Variants in MKLN1 observed in about 807,000 individuals in gnomAD.
MKLN1 encodes muskelin 1.
A neutral mutation model predicts 99.0 loss-of-function variants in MKLN1; 18 were observed. The observed-to-expected ratio is 0.18, with a 90% CI of 0.13 to 0.27. The LOEUF (loss-of-function observed/expected upper bound fraction) is 0.27. MKLN1 is among the 10% of genes least tolerant of loss of function. The pLI, the probability that MKLN1 is intolerant of heterozygous loss-of-function variation, is 1.00. For missense variants in MKLN1, 621 were observed against 875.9 expected (o/e 0.71, Z 3.67); for synonymous variants, 288 against 293.2 (o/e 0.98, Z 0.18).
At chr7:131,319,638 A>G (rs1303636295) in intron 3 of MKLN1, among the ~76,000 whole-genome samples, 2 of 152,216 alleles carry the variant, frequency 1.3e-5, no homozygotes, top group Non-Finnish European at 2.9e-5. Context: ...TCAAATAGAA[A>G]GAGAGGAAGT....
At chr7:131,192,912 G>T (rs28707175) in intron 2 of MKLN1, among the ~76,000 whole-genome samples, 36,559 of 151,880 alleles carry the variant, frequency 0.24, 4,493 homozygotes, top group South Asian at 0.27. Flanking sequence ...TTGGATGGGT[G>T]GTTACTACTA....
At chr7:131,408,736 C>G (rs1332561097) in intron 6 of MKLN1, among the ~76,000 whole-genome samples, 1 of 152,126 alleles carries the variant, frequency 6.6e-6, no homozygotes, top group Non-Finnish European at 1.5e-5. Flanking sequence ...CCTAGGATTA[C>G]AGGTGTGAGC....
At chr7:131,236,545 T>G (rs1229331503) in intron 3 of MKLN1, among the ~76,000 whole-genome samples, 2 of 151,836 alleles carry the variant, frequency 1.3e-5, no homozygotes, top group Non-Finnish European at 2.9e-5. Flanking sequence ...CCTGTAGTCC[T>G]AGCTAATAGG....
intron 3 of MKLN1, among the ~76,000 whole-genome samples, chr7:131,205,856 CTG>C (rs1796801988): frequency 6.6e-6 from 1 of 151,510 alleles, no homozygotes; most frequent in African/African-American, 2.4e-5. Context: ...TCTGGAATCT[CTG>C]TGACTTTCCT....
chr7:131,457,722 C>G (rs1435204929), intron 12 of MKLN1, among the ~76,000 whole-genome samples: 1 of 152,136 alleles, frequency 6.6e-6, no homozygotes, highest in African/African-American at 2.4e-5. Flanking sequence ...TCAAGACCAG[C>G]CTGACCAACA....
chr7:131,142,325 C>T (rs1456914507), intron 1 of MKLN1, among the ~76,000 whole-genome samples: 1 of 150,792 alleles, frequency 6.6e-6, no homozygotes, highest in Admixed American at 6.6e-5. Flanking sequence ...GCAAGAGAAT[C>T]GCTTGAATCT....
intron 3 of MKLN1, among the ~76,000 whole-genome samples, chr7:131,221,386 C>T (rs557898542): frequency 3.3e-5 from 5 of 152,258 alleles, no homozygotes; most frequent in African/African-American, 7.2e-5. Flanking sequence ...CTTCCAACCT[C>T]CTCATGCCAG....
At chr7:131,414,594 A>G (rs765636367) in intron 7 of MKLN1, 51 bp from the exon 8 acceptor site, 1 of 1,259,424 alleles carries the variant, frequency 7.9e-7, no homozygotes, top group South Asian at 1.3e-5. Context: ...TTTACTCTGG[A>G]TATGCTGTTC....
chr7:131,122,808 T>C (rs1447610781), intron 1 of MKLN1, among the ~76,000 whole-genome samples: 2 of 151,430 alleles, frequency 1.3e-5, no homozygotes, highest in African/African-American at 4.9e-5. Context: ...GATCACGAGG[T>C]CGGGAGATGG....
At chr7:131,246,295 A>G (rs983434526) in intron 3 of MKLN1, among the ~76,000 whole-genome samples, 1 of 152,140 alleles carries the variant, frequency 6.6e-6, no homozygotes. Context: ...CAATTCTTCC[A>G]AGTGCACTTG....
intron 9 of MKLN1, among the ~76,000 whole-genome samples, chr7:131,433,395 T>C (rs1299183116): frequency 6.6e-6 from 1 of 152,220 alleles, no homozygotes; most frequent in African/African-American, 2.4e-5. Context: ...TTCAATCACT[T>C]GGTTAAGGAG....
chr7:131,452,710 C>T (rs1198423095), intron 12 of MKLN1, among the ~76,000 whole-genome samples: 2 of 151,906 alleles, frequency 1.3e-5, no homozygotes, highest in Non-Finnish European at 2.9e-5. Flanking sequence ...GCCACTACGC[C>T]CAGCTAATTT....
intron 10 of MKLN1, among the ~76,000 whole-genome samples, chr7:131,442,575 C>A (rs977145390): frequency 6.6e-6 from 1 of 151,986 alleles, no homozygotes; most frequent in Non-Finnish European, 1.5e-5. Context: ...ATGAAAATAG[C>A]CTTTTGTTTA....
Position 131,329,306 on chromosome 7 carries a change from A to G in MKLN1, c.98+1309A>G, listed in dbSNP as rs560309023. Among the ~76,000 whole-genome samples the G allele has an allele frequency of 8.5e-5, 13 of 152,332 alleles. No homozygotes were observed. In the East Asian group the frequency reaches 1.5e-3, roughly 18 times the overall value. On this transcript the variant is annotated intron_variant, in intron 1 of 17. Coordinates refer to ENST00000352689, the MANE Select transcript of MKLN1 (RefSeq NM_013255.5). Reference sequence around the variant, plus strand: ...TTGGCATTCAGTAGGATCTGGCCCAATGAAGGGTGCCAAGTGACCTGTGGT... The same window carrying G: ...TTGGCATTCAGTAGGATCTGGCCCAGTGAAGGGTGCCAAGTGACCTGTGGT...
intron 3 of MKLN1, among the ~76,000 whole-genome samples, chr7:131,218,257 T>A (rs1797013070): frequency 6.6e-6 from 1 of 152,208 alleles, no homozygotes; most frequent in Non-Finnish European, 1.5e-5. Flanking sequence ...TTATAAATCT[T>A]GTTACCATTC....
chr7:131,120,567 A>G (rs1795353048), intron 1 of MKLN1, among the ~76,000 whole-genome samples: 1 of 146,978 alleles, frequency 6.8e-6, no homozygotes, highest in African/African-American at 2.5e-5. Flanking sequence ...AAAAAAAAAG[A>G]AAAAAGAAAA....
At position 131,487,666 on chromosome 7, in the gene MKLN1, A is replaced by G; in HGVS notation, c.2146A>G (p.Asn716Asp). 6.2e-7 allele frequency: 1 copy of G among 1,613,060 alleles called. No homozygotes were observed. Among genetic ancestry groups the G allele is most frequent in the African/African-American group, 1.3e-5 (1 of 74,948 alleles). ...AACTCAGCTCTTTGACACCTTAGTA[A>G]ATTTCTTTCCTGACAGCATGACTCC... Reference protein sequence around the residue: ...QRTQLFDTLVNFFPDSMTPPK... With the variant: ...QRTQLFDTLVDFFPDSMTPPK... Residue 716 changes from asparagine to aspartate, a missense_variant, in exon 18 of 18, where the codon AAT becomes GAT. Physicochemically the swap from Asn to Asp is conservative, Grantham distance 23. Coordinates refer to ENST00000352689, the MANE Select transcript of MKLN1 (RefSeq NM_013255.5). The surrounding 1 kb of genome is among the most constrained non-coding windows in gnomAD (Gnocchi z 4.7).
intron 3 of MKLN1, among the ~76,000 whole-genome samples, chr7:131,316,362 CCTGA>C (rs1429890091): frequency 2.6e-5 from 4 of 152,158 alleles, no homozygotes; most frequent in Non-Finnish European, 4.4e-5. Context: ...AGAAGAGGGG[CCTGA>C]CTGTTAGAAG....
intron 8 of MKLN1, among the ~76,000 whole-genome samples, chr7:131,422,838 C>T (rs560780803): frequency 4.2e-4 from 64 of 151,684 alleles, no homozygotes; most frequent in Non-Finnish European, 7.5e-4. Flanking sequence ...TCAAAGCTTT[C>T]TTCCCTCCTA....
Sources: gnomAD v4.1 joint callset for allele counts (sites outside exome capture counted in the v4.1 genomes callset) on GRCh38, gnomAD v4.1.1 for gene constraint, Gnocchi (gnomAD v3.1) non-coding constraint, MANE v1.5 for transcripts, NCBI Gene and HGNC (gene_info 2026-07-23, HGNC 2026-07-21) for gene names.